Variants in NCK2 observed in about 807,000 individuals in gnomAD.
NCK2 encodes cytoplasmic protein NCK2.
In NCK2, 16 loss-of-function variants were observed where a neutral mutation model predicts 33.9. The observed-to-expected ratio is 0.47, with a 90% CI of 0.32 to 0.72. NCK2 has a LOEUF of 0.72. Ranked by LOEUF, NCK2 falls within the 30% of genes least tolerant of loss-of-function variation. The pLI is 0.03. For missense variants in NCK2, 418 were observed against 537.3 expected (o/e 0.78, Z 2.19); for synonymous variants, 273 against 239.9 (o/e 1.14, Z -1.27).
intron 1 of NCK2, among the ~76,000 whole-genome samples, chr2:105,747,494 C>G (rs927438103): frequency 1.2e-4 from 18 of 152,126 alleles, no homozygotes; most frequent in African/African-American, 3.4e-4. Flanking sequence ...ACTGGCTTGC[C>G]GTGTGCACTG....
At chr2:105,782,475 A>G (rs2104405131) in intron 1 of NCK2, among the ~76,000 whole-genome samples, 1 of 152,342 alleles carries the variant, frequency 6.6e-6, no homozygotes, top group East Asian at 1.9e-4. Flanking sequence ...CTTAAGTATT[A>G]AAGTTACTTT....
chr2:105,789,957 C>T (rs940954230), intron 1 of NCK2, among the ~76,000 whole-genome samples: 4 of 152,268 alleles, frequency 2.6e-5, no homozygotes, highest in Admixed American at 6.5e-5. Context: ...GTTTTGCCAT[C>T]ACTGCCTGGA....
Position 105,758,874 on chromosome 2 carries a change from T to C in NCK2, c.-201+13736T>C, listed in dbSNP as rs889384529. On this transcript the variant is annotated intron_variant, in intron 1 of 4. Transcript: ENST00000233154. The stretch of plus-strand genomic sequence containing the variant: ...TGATTTCAGGGTTTACATTTAAGCT[T>C]TGTTTAACATCTGAAACTGAATTAA... Among the ~76,000 whole-genome samples, 29 of 152,224 alleles carry C rather than the reference T, an allele frequency of 1.9e-4. 1 individual carries two copies. Among genetic ancestry groups the C allele is most frequent in the African/African-American group, 6.8e-4 (28 of 41,456 alleles).
intron 1 of NCK2, among the ~76,000 whole-genome samples, chr2:105,769,941 T>C (rs927928737): frequency 2.0e-5 from 3 of 152,222 alleles, no homozygotes; most frequent in Non-Finnish European, 4.4e-5. Flanking sequence ...CCAGAATGCC[T>C]TGGCCCCGCC....
chr2:105,850,394 C>T (rs1489634840), intron 2 of NCK2, among the ~76,000 whole-genome samples: 1 of 152,116 alleles, frequency 6.6e-6, no homozygotes, highest in Non-Finnish European at 1.5e-5. Context: ...AGTTTTTATA[C>T]CTATCCTATT....
chr2:105,858,298 G>A lies in NCK2; in HGVS notation c.226+3009G>A, dbSNP rs149625626. Among the ~76,000 whole-genome samples, 1,008 of 152,220 alleles carry A rather than the reference G, an allele frequency of 6.6e-3. 15 individuals are homozygous for A. The highest frequency in any genetic ancestry group is 0.022 in the African/African-American group (928 of 41,546). Reference sequence around the variant, plus strand: ...TTTTGAGACAGGGCCTCACTCTGTTGCCTAGGCTGGAGTGCAGTGGCACAA... The same window carrying A: ...TTTTGAGACAGGGCCTCACTCTGTTACCTAGGCTGGAGTGCAGTGGCACAA... On this transcript the variant is annotated intron_variant, in intron 3 of 4. Transcript: ENST00000233154.
rs1678516490 is a variant in NCK2 at position 105,881,933 on chromosome 2, G to A, written c.832G>A (p.Gly278Arg). ...QISYTGPSSSGRFAGREWYYG... is the reference protein window; with the variant it reads ...QISYTGPSSSRRFAGREWYYG... Reference sequence around the variant, plus strand: ...AAGCTACACCGGGCCCTCGTCCAGCGGGCGCTTCGCGGGCAGAGAGTGGTA... The same window carrying A: ...AAGCTACACCGGGCCCTCGTCCAGCAGGCGCTTCGCGGGCAGAGAGTGGTA... Residue 278 changes from glycine to arginine, a missense_variant, in exon 4 of 5, where the codon GGG becomes AGG. Gly to Arg is a moderately radical substitution (Grantham distance 125, BLOSUM62 -2). Transcript: ENST00000233154. 3 of 1,560,954 alleles carry A rather than the reference G, an allele frequency of 1.9e-6. No individual in the cohort carries two copies. The highest frequency in any genetic ancestry group is 2.3e-5 in the East Asian group (1 of 44,430).
intron 2 of NCK2, among the ~76,000 whole-genome samples, chr2:105,826,980 T>C (rs1445681181): frequency 6.6e-6 from 1 of 152,050 alleles, no homozygotes; most frequent in African/African-American, 2.4e-5. Context: ...CAAGAAGACA[T>C]AGCATTCTTT....
At position 105,793,041 on chromosome 2, in the gene NCK2, T is replaced by C. The variant is rs572037671; in HGVS notation, c.-200-23389T>C. 3.9e-5 allele frequency among the ~76,000 whole-genome samples: 6 copies of C among 152,216 alleles called. No homozygotes were observed. In the East Asian group the frequency reaches 1.2e-3, roughly 29 times the overall value. On this transcript the variant is annotated intron_variant, in intron 1 of 4. Coordinates refer to ENST00000233154, the MANE Select transcript of NCK2 (RefSeq NM_003581.5). ...TGTCCTGTGTCATGAAGCCAACCCATGAAACTGAAGGTGAGCATCAAGCAG... is the reference window on the plus strand; with the variant it reads ...TGTCCTGTGTCATGAAGCCAACCCACGAAACTGAAGGTGAGCATCAAGCAG...
chr2:105,865,565 G>C (rs551248938), intron 3 of NCK2, among the ~76,000 whole-genome samples: 1 of 152,254 alleles, frequency 6.6e-6, no homozygotes, highest in East Asian at 1.9e-4. Flanking sequence ...AAATGCTAAG[G>C]GAACAGTTCC....
At chr2:105,760,593 T>A (rs185318434) in intron 1 of NCK2, among the ~76,000 whole-genome samples, 3 of 152,308 alleles carry the variant, frequency 2.0e-5, no homozygotes, top group African/African-American at 7.2e-5. Flanking sequence ...CTCTTGGATC[T>A]CTCCATCTGA....
rs943489059 is a variant in NCK2, at chr2:105,892,914, A to G, written c.949-68A>G. On this transcript the variant is annotated intron_variant, in intron 4 of 4. Transcript: ENST00000233154. ...TGGTTTGGATTTAGACGCACAAGAG[A>G]TGTGGATGGATTTAGACACAGCTCC... is the stretch of plus-strand genomic sequence containing the variant. 28 of 1,324,354 alleles carry G rather than the reference A, an allele frequency of 2.1e-5. No homozygotes were observed. In the African/African-American group the frequency reaches 4.1e-4, roughly 19 times the overall value. 82.0% of individuals were successfully genotyped at this position (1,324,354 alleles called of 1,614,324 possible).
At chr2:105,879,773 A>G (rs755231174) in intron 3 of NCK2, among the ~76,000 whole-genome samples, 15 of 152,190 alleles carry the variant, frequency 9.9e-5, no homozygotes, top group Non-Finnish European at 2.2e-4. Context: ...CCTCCTGCCC[A>G]CTCAGCAAGG....
chr2:105,879,150 T>C (rs1457974451), intron 3 of NCK2, among the ~76,000 whole-genome samples: 1 of 152,262 alleles, frequency 6.6e-6, no homozygotes, highest in African/African-American at 2.4e-5. Context: ...ACAGGCGTTT[T>C]TTCTCAAGTA....
At chr2:105,800,493 G>A (rs1054576373) in intron 1 of NCK2, among the ~76,000 whole-genome samples, 3 of 152,158 alleles carry the variant, frequency 2.0e-5, no homozygotes, top group Admixed American at 6.5e-5. Flanking sequence ...CTTGAGTGCT[G>A]GAGGCCAAGG....
chr2:105,868,504 T>G (rs1412231289), intron 3 of NCK2, among the ~76,000 whole-genome samples: 1 of 152,190 alleles, frequency 6.6e-6, no homozygotes, highest in Non-Finnish European at 1.5e-5. Flanking sequence ...TTGTTGATTG[T>G]CTGATTTGTG....
chr2:105,822,475 C>T (rs565304291), intron 2 of NCK2, among the ~76,000 whole-genome samples: 14 of 152,002 alleles, frequency 9.2e-5, no homozygotes, highest in Non-Finnish European at 2.1e-4. Flanking sequence ...CTCTAAGGTC[C>T]CTGACGCTTC....
chr2:105,791,203 C>G (rs557444723), intron 1 of NCK2, among the ~76,000 whole-genome samples: 1 of 152,322 alleles, frequency 6.6e-6, no homozygotes, highest in South Asian at 2.1e-4. Context: ...TCTAATCCTT[C>G]CTTCCAGGAT....
intron 2 of NCK2, among the ~76,000 whole-genome samples, chr2:105,830,783 T>A (rs1026266621): frequency 6.6e-6 from 1 of 152,030 alleles, no homozygotes; most frequent in Middle Eastern, 3.4e-3. Flanking sequence ...ATTTCTCTGA[T>A]GATTAGTGAT....
Sources: allele counts gnomAD v4.1 joint callset (sites outside exome capture counted in the v4.1 genomes callset), GRCh38; gene constraint gnomAD v4.1.1; transcripts MANE v1.5; gene names NCBI Gene and HGNC (gene_info 2026-07-23, HGNC 2026-07-21).